The following TAPT1 variants were observed in gnomAD, a reference collection of about 807,000 sequenced individuals.
TAPT1 encodes the protein transmembrane anterior posterior transformation protein 1 homolog.
A neutral mutation model predicts 65.6 loss-of-function variants in TAPT1; 28 were observed. The ratio of observed to expected loss-of-function variants is 0.43; its 90% CI spans 0.32 to 0.59. The LOEUF (loss-of-function observed/expected upper bound fraction) is 0.59. Among genes scored for constraint, TAPT1 ranks in the 20% least tolerant of loss-of-function variants. TAPT1 has a pLI of 0.09. For missense variants in TAPT1, 563 were observed against 679.9 expected, an observed-to-expected ratio of 0.83 and a Z score of 1.91; for synonymous variants, 278 against 245.2, an observed-to-expected ratio of 1.13 and a Z score of -1.25.
intron 1 of TAPT1, among the ~76,000 whole-genome samples, chr4:16,217,097 GA>G (rs1284812267): frequency 6.6e-6 from 1 of 152,174 alleles, no homozygotes; most frequent in Admixed American, 6.5e-5. Flanking sequence ...TTCCAGGAGT[GA>G]ACATGCCCAG....
At chr4:16,218,761 T>G (rs1751085667) in intron 1 of TAPT1, among the ~76,000 whole-genome samples, 1 of 152,248 alleles carries the variant, frequency 6.6e-6, no homozygotes, top group Non-Finnish European at 1.5e-5. Flanking sequence ...TCATATTAAC[T>G]TCACAAGTAC....
At chr4:16,165,518 C>A (rs923383316) in intron 13 of TAPT1, among the ~76,000 whole-genome samples, 12 of 149,406 alleles carry the variant, frequency 8.0e-5, no homozygotes, top group Non-Finnish European at 1.2e-4. Context: ...TGCAGTGAGC[C>A]GAGATCACGC....
chr4:16,169,450 C>A (rs554777736), intron 12 of TAPT1, among the ~76,000 whole-genome samples: 1 of 152,270 alleles, frequency 6.6e-6, no homozygotes, highest in Non-Finnish European at 1.5e-5. Context: ...CATTGAGGGG[C>A]GGTGTGAGAA....
intron 1 of TAPT1, chr4:16,225,917 G>A (rs1751521218): frequency 2.0e-6 from 2 of 987,876 alleles, no homozygotes; most frequent in Non-Finnish European, 2.4e-6. Flanking sequence ...TGCTTCTCAC[G>A]TTTGGGCTCC....
chr4:16,225,202 A>T (rs148643011), intron 1 of TAPT1, among the ~76,000 whole-genome samples: 86 of 152,360 alleles, frequency 5.6e-4, no homozygotes, highest in African/African-American at 2.0e-3. Flanking sequence ...AATAGAACCT[A>T]CGTCCAGTTC....
chr4:16,190,144 G>A (rs1204598936), intron 4 of TAPT1: 2 of 152,140 alleles, frequency 1.3e-5, no homozygotes, highest in African/African-American at 4.8e-5. Flanking sequence ...TACCAGGAAG[G>A]CTAGAGCTCC....
intron 3 of TAPT1, among the ~76,000 whole-genome samples, chr4:16,193,365 C>T (rs942553717): frequency 1.1e-4 from 17 of 152,154 alleles, no homozygotes; most frequent in Non-Finnish European, 2.4e-4. Flanking sequence ...TGCATCACGG[C>T]CAAAGTTGAT....
intron 3 of TAPT1, among the ~76,000 whole-genome samples, chr4:16,191,944 G>T (rs1054479992): frequency 3.3e-5 from 5 of 152,088 alleles, no homozygotes; most frequent in Admixed American, 2.0e-4. Flanking sequence ...TTTATTTAAC[G>T]GCATGATATT....
At position 16,174,713 on chromosome 4, in the gene TAPT1, C is replaced by CTATA. The variant is rs1560155140; in HGVS notation, c.1120_1123dup (p.Arg375IlefsTer2). On this transcript the variant is annotated stop_gained and frameshift_variant, in exon 10 of 14. Coordinates refer to ENST00000405303, the MANE Select transcript of TAPT1 (RefSeq NM_153365.3). LOFTEE classifies it high-confidence loss of function. ...AACAAGGTCAAAAGCAAGACTGGCT[C>CTATA]TATATTCACTGTAGACCTAAAAACA... 1 of 1,589,306 alleles carries CTATA rather than the reference C, an allele frequency of 6.3e-7. No individual in the cohort carries two copies. Among genetic ancestry groups the CTATA allele is most frequent in the Non-Finnish European group, 8.6e-7 (1 of 1,167,220 alleles).
chr4:16,199,046 G>T (rs1578456429), intron 3 of TAPT1, among the ~76,000 whole-genome samples: 1 of 152,210 alleles, frequency 6.6e-6, no homozygotes, highest in East Asian at 1.9e-4. Flanking sequence ...CATTAGGCAG[G>T]ATTTTCATAT....
At chr4:16,217,095 G>C (rs887646729) in intron 1 of TAPT1, among the ~76,000 whole-genome samples, 2 of 152,146 alleles carry the variant, frequency 1.3e-5, no homozygotes, top group Non-Finnish European at 2.9e-5. Context: ...TTTTCCAGGA[G>C]TGAACATGCC....
At chr4:16,167,223 C>T (rs1217166727) in intron 12 of TAPT1, among the ~76,000 whole-genome samples, 1 of 151,882 alleles carries the variant, frequency 6.6e-6, no homozygotes. Flanking sequence ...AAACTCCTGA[C>T]CTTGTGATCC....
intron 3 of TAPT1, among the ~76,000 whole-genome samples, chr4:16,202,105 G>A (rs1317742452): frequency 1.3e-5 from 2 of 152,072 alleles, no homozygotes; most frequent in Non-Finnish European, 2.9e-5. Context: ...TGATGCCTAC[G>A]AGGCCCAAGG....
intron 11 of TAPT1, among the ~76,000 whole-genome samples, chr4:16,172,847 G>T (rs1748093813): frequency 6.6e-6 from 1 of 150,976 alleles, no homozygotes; most frequent in Admixed American, 6.6e-5. Context: ...TTTTTGAGAT[G>T]GAGTGTTGCT....
rs1747208848 is a variant in TAPT1, at chr4:16,160,783, GA to G, written c.*2524del. ...TTGTAAATTTATCTCCTCCTCTGCT[GA>G]GTTACCAGGAGTGGCAGGATATATT... On this transcript the variant is annotated 3_prime_UTR_variant, in exon 14 of 14. Coordinates refer to ENST00000405303, the MANE Select transcript of TAPT1 (RefSeq NM_153365.3). 1 of 152,646 alleles carries G rather than the reference GA, an allele frequency of 6.6e-6. No individual in the cohort carries two copies. The highest frequency in any genetic ancestry group is 1.5e-5 in the Non-Finnish European group (1 of 68,038). The allele number at this position is 152,646 out of a possible 1,614,324, so 9.5% of individuals were successfully genotyped here.
At chr4:16,194,761 T>G (rs1184696696) in intron 3 of TAPT1, among the ~76,000 whole-genome samples, 1 of 152,164 alleles carries the variant, frequency 6.6e-6, no homozygotes, top group Non-Finnish European at 1.5e-5. Flanking sequence ...AACATCATAA[T>G]TGGTTGCTGC....
chr4:16,222,831 T>G (rs1461834043), intron 1 of TAPT1, among the ~76,000 whole-genome samples: 1 of 152,078 alleles, frequency 6.6e-6, no homozygotes, highest in Non-Finnish European at 1.5e-5. Context: ...TAAGTTGAAG[T>G]TTTAGAAGTC....
intron 3 of TAPT1, among the ~76,000 whole-genome samples, chr4:16,200,465 C>G (rs1749963753): frequency 6.6e-6 from 1 of 152,102 alleles, no homozygotes; most frequent in South Asian, 2.1e-4. Flanking sequence ...GCTGGGACCA[C>G]AGACATGTGC....
At chr4:16,169,308 T>C (rs1483114341) in intron 12 of TAPT1, among the ~76,000 whole-genome samples, 1 of 152,234 alleles carries the variant, frequency 6.6e-6, no homozygotes, top group Non-Finnish European at 1.5e-5. Context: ...ACAAAGGTTT[T>C]CAGATGTAGC....
Sources: allele counts gnomAD v4.1 joint callset (sites outside exome capture counted in the v4.1 genomes callset), GRCh38; gene constraint gnomAD v4.1.1; transcripts MANE v1.5; gene names NCBI Gene and HGNC (gene_info 2026-07-23, HGNC 2026-07-21).